Variants in FGF12 observed in about 807,000 individuals in gnomAD.
FGF12 encodes the protein fibroblast growth factor 12, also known as fibroblast growth factor 12B.
A neutral mutation model predicts 23.6 loss-of-function variants in FGF12; 14 were observed. That is an observed-to-expected ratio of 0.59 (90% CI 0.39 to 0.93). The LOEUF (loss-of-function observed/expected upper bound fraction) is 0.93, where lower values mean the gene tolerates loss of function less well. Among genes scored for constraint, FGF12 ranks in the 40% least tolerant of loss-of-function variants. FGF12 has a pLI of 0.00. For missense variants in FGF12, 175 were observed against 217.8 expected, an observed-to-expected ratio of 0.80 and a Z score of 1.24; for synonymous variants, 62 against 77.3, an observed-to-expected ratio of 0.80 and a Z score of 1.04.
At chr3:192,340,680 A>C (rs1461376343) in intron 3 of FGF12, among the ~76,000 whole-genome samples, 1 of 152,162 alleles carries the variant, frequency 6.6e-6, no homozygotes, top group East Asian at 1.9e-4. Flanking sequence ...ACTTCACAGA[A>C]AAAAGGTAAT....
At chr3:192,587,903 T>C (rs137863448) in intron 2 of FGF12, among the ~76,000 whole-genome samples, 44 of 152,024 alleles carry the variant, frequency 2.9e-4, no homozygotes, top group African/African-American at 9.9e-4. Flanking sequence ...CACCACCTTC[T>C]TAAAACATGG....
At chr3:192,675,033 GGCTTCA>G (rs1223639147) in intron 2 of FGF12, among the ~76,000 whole-genome samples, 1 of 152,066 alleles carries the variant, frequency 6.6e-6, no homozygotes, top group Non-Finnish European at 1.5e-5. Flanking sequence ...AAATAGACTG[GGCTTCA>G]GTACTTGTCT....
chr3:192,416,201 C>A (rs1560104994), intron 2 of FGF12, among the ~76,000 whole-genome samples: 1 of 152,082 alleles, frequency 6.6e-6, no homozygotes. Context: ...TAAGATTTTA[C>A]TGGAGATAAC....
At chr3:192,352,485 ACAT>A (rs1718271812) in intron 3 of FGF12, among the ~76,000 whole-genome samples, 1 of 152,232 alleles carries the variant, frequency 6.6e-6, no homozygotes, top group Non-Finnish European at 1.5e-5. Flanking sequence ...TAGGGACTAG[ACAT>A]TTTATGAATC....
intron 4 of FGF12, among the ~76,000 whole-genome samples, chr3:192,333,096 G>A (rs916266469): frequency 6.6e-6 from 1 of 152,028 alleles, no homozygotes; most frequent in Non-Finnish European, 1.5e-5. Context: ...AACTAAGCAA[G>A]AAGGACAGAA....
intron 2 of FGF12, among the ~76,000 whole-genome samples, chr3:192,643,331 GATC>G (rs1715876180): frequency 6.6e-6 from 1 of 152,170 alleles, no homozygotes; most frequent in African/African-American, 2.4e-5. Flanking sequence ...AACTATTACA[GATC>G]ATCTAGTCCA....
intron 2 of FGF12, among the ~76,000 whole-genome samples, chr3:192,628,378 A>C (rs748220640): frequency 2.0e-5 from 3 of 150,418 alleles, no homozygotes; most frequent in African/African-American, 4.9e-5. Context: ...GCATAACATA[A>C]ATAAAAACTG....
chr3:192,309,981 G>A (rs1395726212), intron 4 of FGF12, among the ~76,000 whole-genome samples: 5 of 152,098 alleles, frequency 3.3e-5, no homozygotes, highest in Admixed American at 3.3e-4. Flanking sequence ...TACACAAGGT[G>A]AAGTAGATAT....
chr3:192,599,663 T>G (rs1035076727), intron 2 of FGF12, among the ~76,000 whole-genome samples: 1 of 152,116 alleles, frequency 6.6e-6, no homozygotes, highest in Admixed American at 6.6e-5. Context: ...AAATATTTAT[T>G]GAGGACTTTT....
chr3:192,205,931 AGAG>A (rs780756987), intron 4 of FGF12, among the ~76,000 whole-genome samples: 2 of 152,210 alleles, frequency 1.3e-5, no homozygotes, highest in Non-Finnish European at 2.9e-5. Flanking sequence ...TGCTCTACAC[AGAG>A]GAGGTGTTAC....
intron 4 of FGF12, among the ~76,000 whole-genome samples, chr3:192,207,584 C>T (rs1553849999): frequency 1.3e-5 from 2 of 152,070 alleles, no homozygotes; most frequent in Non-Finnish European, 2.9e-5. Flanking sequence ...GAGCATATGG[C>T]ATGTAGGGGG....
chr3:192,152,564 G>A (rs199809531), intron 5 of FGF12, among the ~76,000 whole-genome samples: 6 of 142,464 alleles, frequency 4.2e-5, no homozygotes, highest in African/African-American at 7.9e-5. Flanking sequence ...CCTTCATTTC[G>A]TTATGTACCC....
At chr3:192,151,302 C>A (rs1248186178) in intron 5 of FGF12, among the ~76,000 whole-genome samples, 1 of 138,660 alleles carries the variant, frequency 7.2e-6, no homozygotes. Flanking sequence ...ATTGAATACC[C>A]TTTATTTCCT....
intron 2 of FGF12, among the ~76,000 whole-genome samples, chr3:192,571,518 T>C (rs945614578): frequency 6.6e-6 from 1 of 152,218 alleles, no homozygotes; most frequent in African/African-American, 2.4e-5. Context: ...CGGGACCCAC[T>C]GCCCGGGTCC....
chr3:192,571,856 C>T (rs1014653981), intron 2 of FGF12, among the ~76,000 whole-genome samples: 3 of 152,098 alleles, frequency 2.0e-5, no homozygotes, highest in African/African-American at 7.2e-5. Context: ...GCCCATGCCT[C>T]CTAGAGGTCT....
intron 2 of FGF12, among the ~76,000 whole-genome samples, chr3:192,414,595 A>C (rs974298324): frequency 6.6e-6 from 1 of 152,202 alleles, no homozygotes; most frequent in African/African-American, 2.4e-5. Context: ...TTATGATGGA[A>C]GCTAAAGGGA....
At chr3:192,571,113 A>G (rs559039421) in intron 2 of FGF12, among the ~76,000 whole-genome samples, 1 of 152,312 alleles carries the variant, frequency 6.6e-6, no homozygotes, top group East Asian at 1.9e-4. Flanking sequence ...AGCCACACAT[A>G]AACATCTTCC....
intron 4 of FGF12, among the ~76,000 whole-genome samples, chr3:192,276,275 T>C (rs1172862882): frequency 6.6e-6 from 1 of 152,132 alleles, no homozygotes; most frequent in Non-Finnish European, 1.5e-5. Flanking sequence ...AGGAAATGCA[T>C]GGGTAAAATG....
At chr3:192,209,088 T>A (rs1717798710) in intron 4 of FGF12, among the ~76,000 whole-genome samples, 1 of 152,244 alleles carries the variant, frequency 6.6e-6, no homozygotes, top group Non-Finnish European at 1.5e-5. Context: ...TAGCTATATG[T>A]AGTCATCTGA....
Sources: gnomAD v4.1 joint callset for allele counts (sites outside exome capture counted in the v4.1 genomes callset) on GRCh38, gnomAD v4.1.1 for gene constraint, MANE v1.5 for transcripts, NCBI Gene and HGNC (gene_info 2026-07-23, HGNC 2026-07-21) for gene names.